Variants in PPP2R2C observed in about 807,000 individuals in gnomAD.
PPP2R2C encodes protein phosphatase 2, regulatory subunit B, gamma.
A neutral mutation model predicts 45.3 loss-of-function variants in PPP2R2C; 10 were observed. That is an observed-to-expected ratio of 0.22 (90% CI 0.14 to 0.37). PPP2R2C has a LOEUF of 0.37. Ranked by LOEUF, PPP2R2C falls within the 10% of genes least tolerant of loss-of-function variation. The pLI is 1.00. For missense variants in PPP2R2C, 308 were observed against 619.7 expected (o/e 0.50, Z 5.34); for synonymous variants, 257 against 245.4 (o/e 1.05, Z -0.44).
intron 2 of PPP2R2C, among the ~76,000 whole-genome samples, chr4:6,489,053 C>T (rs1201912480): frequency 1.3e-5 from 2 of 152,170 alleles, no homozygotes; most frequent in Non-Finnish European, 2.9e-5. Context: ...CATTAGTCTG[C>T]CTGTGAAATC....
At chr4:6,528,626 A>G (rs971014338) in intron 2 of PPP2R2C, among the ~76,000 whole-genome samples, 3 of 152,232 alleles carry the variant, frequency 2.0e-5, no homozygotes, top group South Asian at 4.1e-4. Flanking sequence ...TCTGAGCCCA[A>G]GCTAAGTCAT....
At chr4:6,373,304 T>A (rs888848816) in intron 4 of PPP2R2C, among the ~76,000 whole-genome samples, 1 of 152,210 alleles carries the variant, frequency 6.6e-6, no homozygotes, top group Non-Finnish European at 1.5e-5. Context: ...CTTCCCATAG[T>A]GAGAAATGCA....
chr4:6,467,808 A>G (rs2108765662), intron 1 of PPP2R2C, among the ~76,000 whole-genome samples: 1 of 152,276 alleles, frequency 6.6e-6, no homozygotes, highest in Admixed American at 6.5e-5. Flanking sequence ...TATGTCCTGG[A>G]TCTCACTCAC....
intron 5 of PPP2R2C, among the ~76,000 whole-genome samples, chr4:6,358,075 A>T (rs1713377074): frequency 6.6e-6 from 1 of 152,216 alleles, no homozygotes; most frequent in African/African-American, 2.4e-5. Flanking sequence ...ACGCTACCTG[A>T]CTTCAAACTA....
intron 2 of PPP2R2C, among the ~76,000 whole-genome samples, chr4:6,527,841 C>T (rs1724267423): frequency 6.6e-6 from 1 of 152,146 alleles, no homozygotes; most frequent in Non-Finnish European, 1.5e-5. Flanking sequence ...GACCTGGCTG[C>T]CACCCTGGAC....
intron 1 of PPP2R2C, among the ~76,000 whole-genome samples, chr4:6,542,432 C>G (rs1183840304): frequency 3.3e-5 from 5 of 152,316 alleles, no homozygotes; most frequent in African/African-American, 1.2e-4. Context: ...CGGTGGCTCA[C>G]GCCTGTATCC....
At position 6,407,565 on chromosome 4, in the gene PPP2R2C, T is replaced by A. The variant is rs371040310; in HGVS notation, c.71-26471A>T. ...ACCCGCCACCACACCCGGCTAATTATTTTTTTTGTATTTTTAGTAGAGACG... is the reference window on the plus strand; with the variant it reads ...ACCCGCCACCACACCCGGCTAATTAATTTTTTTGTATTTTTAGTAGAGACG... On this transcript the variant is annotated intron_variant, in intron 1 of 8. Transcript: ENST00000382599. Among the ~76,000 whole-genome samples the A allele has an allele frequency of 1.7e-3, 251 of 151,254 alleles. 1 individual carries two copies. The highest frequency in any genetic ancestry group is 5.6e-3 in the African/African-American group (234 of 41,424).
chr4:6,475,304 A>G (rs189196703), upstream of PPP2R2C, among the ~76,000 whole-genome samples: 1 of 152,320 alleles, frequency 6.6e-6, no homozygotes, highest in East Asian at 1.9e-4. Context: ...GGAAAGCTCA[A>G]TAAGGTGAAA....
intron 2 of PPP2R2C, among the ~76,000 whole-genome samples, chr4:6,529,491 G>C (rs1466702117): frequency 6.6e-6 from 1 of 152,056 alleles, no homozygotes; most frequent in Non-Finnish European, 1.5e-5. Context: ...CCAGTGAGGT[G>C]GGTGCCAACA....
At chr4:6,325,607 CCA>C (rs1359979758) in intron 8 of PPP2R2C, among the ~76,000 whole-genome samples, 3 of 152,210 alleles carry the variant, frequency 2.0e-5, no homozygotes, top group Non-Finnish European at 2.9e-5. Flanking sequence ...CATTTGCAAC[CCA>C]CACAGTTCCT....
intron 4 of PPP2R2C, among the ~76,000 whole-genome samples, chr4:6,373,499 T>A (rs1370174925): frequency 6.6e-6 from 1 of 152,192 alleles, no homozygotes; most frequent in Non-Finnish European, 1.5e-5. Flanking sequence ...TGTCAACTGG[T>A]CCCATCAGCT....
At position 6,323,188 on chromosome 4, in the gene PPP2R2C, A is replaced by G. The variant is rs968891651; in HGVS notation, c.*114T>C. The G allele has an allele frequency of 1.6e-6, 2 of 1,285,816 alleles. No homozygotes were observed. Among genetic ancestry groups the G allele is most frequent in the African/African-American group, 3.0e-5 (2 of 67,174 alleles). 79.7% of individuals were successfully genotyped at this position (1,285,816 alleles called of 1,614,324 possible). On this transcript the variant is annotated 3_prime_UTR_variant, in exon 9 of 9. Coordinates refer to ENST00000382599, the MANE Select transcript of PPP2R2C (RefSeq NM_020416.4). ...TGTGTCCACACACTGCCACCTCTGC[A>G]GCTGTCCTCATCAGTGCTGTGACTT...
At chr4:6,400,799 A>C (rs886706544) in intron 1 of PPP2R2C, among the ~76,000 whole-genome samples, 1 of 152,236 alleles carries the variant, frequency 6.6e-6, no homozygotes, top group Non-Finnish European at 1.5e-5. Context: ...GGGACCCCTG[A>C]ATGCAAACAT....
Position 6,562,468 on chromosome 4 carries a change from C to G in PPP2R2C, c.-59+1092G>C, listed in dbSNP as rs971011469. 2.6e-3 allele frequency among the ~76,000 whole-genome samples: 240 copies of G among 93,204 alleles called. 1 individual carries two copies. Among genetic ancestry groups the G allele is most frequent in the African/African-American group, 0.011 (226 of 20,584 alleles). 61.1% of individuals were successfully genotyped at this position (93,204 alleles called of 152,430 possible). A position where few individuals can be genotyped will look rare whatever the true frequency, so the allele number is the denominator to read the frequency against. ...TAATGTGGGGAGGATTCAACGGAGT[C>G]GGGGGGGGGGGTTGGATATTTGAAA... On this transcript the variant is annotated intron_variant, in intron 1 of 9. Transcript: ENST00000506140.
intron 1 of PPP2R2C, among the ~76,000 whole-genome samples, chr4:6,416,185 C>T (rs1718572321): frequency 1.3e-5 from 1 of 78,818 alleles, no homozygotes; most frequent in African/African-American, 4.1e-5. Flanking sequence ...AACAACCTTC[C>T]ATAACAAGGA....
At position 6,337,108 on chromosome 4, in the gene PPP2R2C, GTGTGTATATATATATATA is replaced by G. The variant is rs1367100423; in HGVS notation, c.791-3395_791-3378del. Among the ~76,000 whole-genome samples, 174 of 33,244 alleles carry G rather than the reference GTGTGTATATATATATATA, an allele frequency of 5.2e-3. 9 individuals carry two copies. Among genetic ancestry groups the G allele is most frequent in the East Asian group, 0.016 (14 of 868 alleles). The allele number at this position is 33,244 out of a possible 152,430, so 21.8% of individuals were successfully genotyped here. A position where few individuals can be genotyped will look rare whatever the true frequency, so the allele number is the denominator to read the frequency against. On this transcript the variant is annotated intron_variant, in intron 6 of 8. Transcript: ENST00000382599. The stretch of plus-strand genomic sequence containing the variant: ...TTGGCATCTTTGTTTCTGTATGTGT[GTGTGTATATATATATATA>G]TATATATATATATATATATATATAT...
chr4:6,539,277 A>G (rs564465667), intron 1 of PPP2R2C, among the ~76,000 whole-genome samples: 5 of 152,232 alleles, frequency 3.3e-5, no homozygotes, highest in African/African-American at 1.2e-4. Flanking sequence ...TGGGCAAAAC[A>G]CCAGAAGCCA....
intron 2 of PPP2R2C, among the ~76,000 whole-genome samples, chr4:6,511,005 A>G: frequency 6.6e-6 from 1 of 150,552 alleles, no homozygotes; most frequent in Non-Finnish European, 1.5e-5. Context: ...AAACAAAAAA[A>G]AAAACAGAAA....
At chr4:6,414,096 G>C in intron 1 of PPP2R2C, 2 of 1,276,610 alleles carry the variant, frequency 1.6e-6, no homozygotes, top group South Asian at 1.6e-5. Flanking sequence ...GTGTGTGTGT[G>C]TGTGTGTGTG....
Sources: gnomAD v4.1 joint callset for allele counts (sites outside exome capture counted in the v4.1 genomes callset) on GRCh38, gnomAD v4.1.1 for gene constraint, MANE v1.5 for transcripts, NCBI Gene and HGNC (gene_info 2026-07-23, HGNC 2026-07-21) for gene names.